The following SYNE2 variants were observed in gnomAD, a reference collection of about 807,000 sequenced individuals.
SYNE2 encodes spectrin repeat containing nuclear envelope protein 2.
Under a neutral mutation model 856.3 loss-of-function variants are expected in SYNE2, and 431 were observed. The observed-to-expected ratio is 0.50, with a 90% CI of 0.47 to 0.55. The LOEUF (loss-of-function observed/expected upper bound fraction) is 0.55, where lower values mean the gene tolerates loss of function less well. Ranked by LOEUF, SYNE2 falls within the 20% of genes least tolerant of loss-of-function variation. The pLI is 0.00. For missense variants in SYNE2, 8,129 were observed against 8,023.2 expected, an observed-to-expected ratio of 1.01 and a Z score of -0.50; for synonymous variants, 2,923 against 2,872.3, an observed-to-expected ratio of 1.02 and a Z score of -0.56.
chr14:64,051,079 A>C (rs2097222216), intron 47 of SYNE2, among the ~76,000 whole-genome samples: 1 of 152,128 alleles, frequency 6.6e-6, no homozygotes, highest in Admixed American at 6.6e-5. Context: ...ACTTTCAGTA[A>C]CAGCCCTTGA....
chr14:63,854,737 C>T (rs1393398698), intron 1 of SYNE2, among the ~76,000 whole-genome samples: 1 of 152,126 alleles, frequency 6.6e-6, no homozygotes, highest in Non-Finnish European at 1.5e-5. Context: ...ATAAATTTAC[C>T]TAATTAGAAA....
At chr14:64,057,173 A>G (rs534466622) in intron 49 of SYNE2, among the ~76,000 whole-genome samples, 13 of 152,144 alleles carry the variant, frequency 8.5e-5, no homozygotes, top group Non-Finnish European at 1.9e-4. Context: ...CAGTTAAATT[A>G]TTATTGAACG....
chr14:63,999,779 T>A lies in SYNE2; in HGVS notation c.3480+739T>A, dbSNP rs190053413. ...AGGGCCATAGGTAGTTCCTACAACA[T>A]CCTTCCATGTTTTCTAGTTTCTTTT... On this transcript the variant is annotated intron_variant, in intron 27 of 115. Coordinates refer to ENST00000555002, the MANE Select transcript of SYNE2 (RefSeq NM_182914.3). Among the ~76,000 whole-genome samples, 155 of 152,318 alleles carry A rather than the reference T, an allele frequency of 1.0e-3. 1 individual carries two copies. The highest frequency in any genetic ancestry group is 1.7e-3 in the Non-Finnish European group (116 of 68,032).
chr14:63,849,265 CTTTTTTTTTTT>C (rs35001530), upstream of SYNE2, among the ~76,000 whole-genome samples: 1 of 127,146 alleles, frequency 7.9e-6, no homozygotes, highest in Admixed American at 8.1e-5. Flanking sequence ...AGTTAATCTC[CTTTTTTTTTTT>C]TTTTTTTTGC....
intron 45 of SYNE2, among the ~76,000 whole-genome samples, chr14:64,042,705 C>A (rs1236846528): frequency 1.3e-5 from 2 of 152,188 alleles, no homozygotes; most frequent in African/African-American, 4.8e-5. Context: ...CCTTGCCTTA[C>A]ACCATGATTG....
At chr14:64,008,393 T>G (rs2096816507) in intron 31 of SYNE2, among the ~76,000 whole-genome samples, 1 of 152,182 alleles carries the variant, frequency 6.6e-6, no homozygotes, top group Non-Finnish European at 1.5e-5. Flanking sequence ...AGCATTACTT[T>G]ACCACACGCC....
chr14:63,837,230 T>C lies in SYNE2; in HGVS notation c.-304-15271T>C, dbSNP rs559054868. ...TTTTCAATGAATGGTGTTGGGACAA[T>C]TGAATATTCAGATGCAAAAGACTGA... On this transcript the variant is annotated intron_variant, in intron 1 of 23. Coordinates refer to the SYNE2 transcript ENST00000674003. Among the ~76,000 whole-genome samples the C allele has an allele frequency of 2.0e-5, 3 of 152,272 alleles. No individual in the cohort carries two copies. In the South Asian group the frequency reaches 6.2e-4, roughly 32 times the overall value.
chr14:63,844,060 G>T (rs1241944213), intron 1 of SYNE2, among the ~76,000 whole-genome samples: 1 of 152,092 alleles, frequency 6.6e-6, no homozygotes, highest in Non-Finnish European at 1.5e-5. Context: ...TTACATTAGG[G>T]ATTACTCTTC....
At chr14:64,143,715 C>G (rs2098159237) in intron 82 of SYNE2, 57 bp from the exon 83 acceptor site, 5 of 1,589,680 alleles carry the variant, frequency 3.1e-6, no homozygotes, top group Admixed American at 1.7e-5. Flanking sequence ...AAAGGGAAAT[C>G]CATTTGATCT....
intron 28 of SYNE2, among the ~76,000 whole-genome samples, chr14:64,001,289 C>G (rs1453666354): frequency 1.3e-5 from 2 of 152,098 alleles, no homozygotes; most frequent in Non-Finnish European, 2.9e-5. Flanking sequence ...TCTTAGTTGT[C>G]AAGGTGAAGT....
intron 53 of SYNE2, among the ~76,000 whole-genome samples, chr14:64,075,022 G>C (rs1232980868): frequency 6.6e-6 from 1 of 152,092 alleles, no homozygotes; most frequent in East Asian, 1.9e-4. Context: ...AGATAAAACG[G>C]GATGACACTT....
At chr14:63,925,765 C>T (rs1358954575) in intron 2 of SYNE2, among the ~76,000 whole-genome samples, 1 of 152,168 alleles carries the variant, frequency 6.6e-6, no homozygotes, top group Non-Finnish European at 1.5e-5. Flanking sequence ...AATCATGTGA[C>T]GTTCTTTCTG....
intron 19 of SYNE2, among the ~76,000 whole-genome samples, chr14:63,987,931 A>G (rs2096638198): frequency 6.6e-6 from 1 of 152,176 alleles, no homozygotes; most frequent in Admixed American, 6.5e-5. Flanking sequence ...GAGATAATGT[A>G]ATCTCATTTG....
At chr14:64,179,256 C>T (rs1196842729) in intron 96 of SYNE2, among the ~76,000 whole-genome samples, 1 of 152,218 alleles carries the variant, frequency 6.6e-6, no homozygotes, top group East Asian at 1.9e-4. Flanking sequence ...CGTGCCTCAG[C>T]CTCCCAAGTA....
chr14:63,896,490 A>C (rs963927789), intron 1 of SYNE2, among the ~76,000 whole-genome samples: 1 of 152,212 alleles, frequency 6.6e-6, no homozygotes, highest in Admixed American at 6.5e-5. Flanking sequence ...TTCCTCTATG[A>C]ATATTGTTTC....
chr14:63,837,918 CAAAAA>C (rs34952817), intron 1 of SYNE2, among the ~76,000 whole-genome samples: 4 of 62,194 alleles, frequency 6.4e-5, no homozygotes, highest in African/African-American at 2.0e-4. Flanking sequence ...GACTCTGTTT[CAAAAA>C]AAAAAAAAAA....
intron 1 of SYNE2, among the ~76,000 whole-genome samples, chr14:63,845,416 CA>C (rs34474637): frequency 0.082 from 9,306 of 113,156 alleles, 281 homozygotes; most frequent in Middle Eastern, 0.16. Flanking sequence ...AACTCTGTCT[CA>C]AAAAAAAAAA....
chr14:64,221,493 T>C (rs751047706), intron 111 of SYNE2, 83 bp from the exon 112 acceptor site: 1 of 1,613,468 alleles, frequency 6.2e-7, no homozygotes, highest in East Asian at 2.2e-5. Context: ...CTGTGATGGA[T>C]TGGAAGCAGT....
Position 63,980,934 on chromosome 14 carries a change from TTAA to T in SYNE2, c.1649-48_1649-46del. The stretch of plus-strand genomic sequence containing the variant: ...AATATGCAAATATTTTTAAATAGTA[TTAA>T]TAAAAAATTGTTTTCTAAGATTACT... On this transcript the variant is annotated intron_variant, in intron 15 of 115. Transcript: ENST00000555002. 4.0e-6 allele frequency: 5 copies of T among 1,253,686 alleles called. No homozygotes were observed. The South Asian group carries it at 6.7e-5, about 17-fold the overall frequency. 77.7% of individuals were successfully genotyped at this position (1,253,686 alleles called of 1,614,324 possible). A position where few individuals can be genotyped will look rare whatever the true frequency, so the allele number is the denominator to read the frequency against.
Sources: allele counts gnomAD v4.1 joint callset (sites outside exome capture counted in the v4.1 genomes callset), GRCh38; gene constraint gnomAD v4.1.1; transcripts MANE v1.5; gene names NCBI Gene and HGNC (gene_info 2026-07-23, HGNC 2026-07-21).